SMYD3: variants seen among roughly 807,000 people sequenced by gnomAD.
SMYD3 encodes SET and MYND domain containing 3.
SMYD3 carries 36 observed loss-of-function variants against 57.7 expected under a neutral mutation model. The observed-to-expected ratio is 0.62, with a 90% confidence interval of 0.48 to 0.82. SMYD3 has a LOEUF of 0.82. Ranked by LOEUF, SMYD3 falls within the 40% of genes least tolerant of loss-of-function variation. SMYD3 has a pLI of 0.00. For missense variants in SMYD3, 515 were observed against 538.8 expected (o/e 0.96, Z 0.44); for synonymous variants, 211 against 195.0 (o/e 1.08, Z -0.68).
In SMYD3 at chr1:245,787,992, G is replaced by C. The variant is rs536457762; in HGVS notation, c.1077-23843C>G. Reference sequence around the variant, plus strand: ...ACTTAGTCCTGGGAAGCAAATGCAAGATGCATGGATGGGACCTGACCAGAT... The same window carrying C: ...ACTTAGTCCTGGGAAGCAAATGCAACATGCATGGATGGGACCTGACCAGAT... On this transcript the variant is annotated intron_variant, in intron 10 of 11. Coordinates refer to ENST00000490107, the MANE Select transcript of SMYD3 (RefSeq NM_001167740.2). 8.5e-5 allele frequency among the ~76,000 whole-genome samples: 13 copies of C among 152,350 alleles called. No individual in the cohort carries two copies. In the East Asian group the frequency reaches 2.5e-3, roughly 29 times the overall value.
chr1:246,326,998 A>G, intron 5 of SMYD3: 1 of 591,250 alleles, frequency 1.7e-6, no homozygotes. Flanking sequence ...TAACAAGAAT[A>G]TTAATCAAAC....
At chr1:245,806,115 A>T (rs1351204766) in intron 10 of SMYD3, among the ~76,000 whole-genome samples, 1 of 152,182 alleles carries the variant, frequency 6.6e-6, no homozygotes. Flanking sequence ...GGGTCTTTCC[A>T]GTTGTTCAAC....
At position 246,470,896 on chromosome 1, in the gene SMYD3, A is replaced by G. The variant is rs201095563; in HGVS notation, c.164+36158T>C. Among the ~76,000 whole-genome samples, 72 of 152,300 alleles carry G rather than the reference A, an allele frequency of 4.7e-4. No homozygotes were observed. The East Asian group carries it at 0.013, about 27-fold the overall frequency. Reference sequence around the variant, plus strand: ...TATATAAGAGAATATCCTTGTTCTTAGGAAATGTACACTAAAGTGGTAAGG... The same window carrying G: ...TATATAAGAGAATATCCTTGTTCTTGGGAAATGTACACTAAAGTGGTAAGG... On this transcript the variant is annotated intron_variant, in intron 1 of 11. Coordinates refer to ENST00000490107, the MANE Select transcript of SMYD3 (RefSeq NM_001167740.2).
intron 5 of SMYD3, among the ~76,000 whole-genome samples, chr1:246,056,938 G>A (rs535074849): frequency 6.6e-6 from 1 of 152,084 alleles, no homozygotes; most frequent in Non-Finnish European, 1.5e-5. Context: ...CCCAGGTCCC[G>A]TCCTACTGCT....
intron 1 of SMYD3, among the ~76,000 whole-genome samples, chr1:246,438,077 A>G (rs2067407299): frequency 6.6e-6 from 1 of 152,116 alleles, no homozygotes; most frequent in South Asian, 2.1e-4. Context: ...GGGGGGAAAA[A>G]CCCTGTAATT....
At chr1:246,193,381 G>A (rs1185804883) in intron 5 of SMYD3, among the ~76,000 whole-genome samples, 1 of 150,606 alleles carries the variant, frequency 6.6e-6, no homozygotes, top group Non-Finnish European at 1.5e-5. Flanking sequence ...CCAACTATCT[G>A]GAGATTTAAA....
chr1:245,971,502 G>C (rs1237392199), intron 5 of SMYD3, among the ~76,000 whole-genome samples: 1 of 152,032 alleles, frequency 6.6e-6, no homozygotes, highest in Non-Finnish European at 1.5e-5. Context: ...ACTGGCTATT[G>C]CACAATTTCA....
intron 1 of SMYD3, among the ~76,000 whole-genome samples, chr1:246,462,236 C>T (rs1270421699): frequency 6.8e-5 from 4 of 58,746 alleles, no homozygotes; most frequent in Admixed American, 4.9e-4. Context: ...CATCCTCCCG[C>T]GGGGCCTGCT....
chr1:246,136,269 T>C lies in SMYD3; in HGVS notation c.531+190932A>G, dbSNP rs189776410. 1.1e-3 allele frequency among the ~76,000 whole-genome samples: 174 copies of C among 152,290 alleles called. 1 individual carries two copies. The Middle Eastern group carries it at 0.017, about 15-fold the overall frequency. On this transcript the variant is annotated intron_variant, in intron 5 of 11. Coordinates refer to ENST00000490107, the MANE Select transcript of SMYD3 (RefSeq NM_001167740.2). ...CCTACAATAACATAAAAATTAGCTA[T>C]CCAGGTAAAGAGTGGCTCTCCATTT...
At chr1:246,045,556 C>T (rs2059948939) in intron 5 of SMYD3, among the ~76,000 whole-genome samples, 1 of 152,000 alleles carries the variant, frequency 6.6e-6, no homozygotes, top group African/African-American at 2.4e-5. Context: ...CAATACCATT[C>T]AGGACATAGG....
At chr1:246,084,104 A>G (rs1250277887) in intron 5 of SMYD3, among the ~76,000 whole-genome samples, 1 of 152,148 alleles carries the variant, frequency 6.6e-6, no homozygotes, top group Non-Finnish European at 1.5e-5. Context: ...ATTTTTGTCC[A>G]AAAGGATGTA....
chr1:246,464,770 C>T (rs922515511), intron 1 of SMYD3, among the ~76,000 whole-genome samples: 20 of 152,292 alleles, frequency 1.3e-4, no homozygotes, highest in Middle Eastern at 3.4e-3. Flanking sequence ...AATTGTTAGC[C>T]ACTAAAGTAC....
chr1:245,754,163 GT>G (rs200938119), intron 11 of SMYD3, among the ~76,000 whole-genome samples: 2,085 of 152,102 alleles, frequency 0.014, 49 homozygotes, highest in African/African-American at 0.048. Context: ...AATCTCATCT[GT>G]TTTTTTAAGT....
intron 5 of SMYD3, among the ~76,000 whole-genome samples, chr1:246,277,856 G>A (rs1004725491): frequency 2.6e-5 from 4 of 152,178 alleles, no homozygotes; most frequent in Admixed American, 1.3e-4. Context: ...AGTGGTTGCT[G>A]CAGCCAGACG....
intron 5 of SMYD3, among the ~76,000 whole-genome samples, chr1:246,143,474 C>T (rs1326463564): frequency 2.0e-5 from 3 of 152,066 alleles, no homozygotes; most frequent in Admixed American, 6.5e-5. Context: ...CAAGACCAAC[C>T]GGGGCAATGT....
intron 5 of SMYD3, among the ~76,000 whole-genome samples, chr1:246,006,030 G>GCAAGAGGAA (rs2059161860): frequency 6.6e-6 from 1 of 151,560 alleles, no homozygotes; most frequent in Non-Finnish European, 1.5e-5. Flanking sequence ...ATATTGAAAG[G>GCAAGAGGAA]GGAGAAAAGG....
chr1:246,097,630 C>T (rs988797692), intron 5 of SMYD3, among the ~76,000 whole-genome samples: 4 of 152,094 alleles, frequency 2.6e-5, no homozygotes, highest in Admixed American at 1.3e-4. Flanking sequence ...CACAATCCCA[C>T]CCCAGTTTCC....
intron 5 of SMYD3, among the ~76,000 whole-genome samples, chr1:246,028,078 C>CA (rs1205157147): frequency 6.6e-6 from 1 of 152,090 alleles, no homozygotes; most frequent in Non-Finnish European, 1.5e-5. Flanking sequence ...CACAGAAATA[C>CA]AAAGGATCAT....
chr1:246,476,199 C>T (rs577269392), intron 1 of SMYD3, among the ~76,000 whole-genome samples: 19 of 152,236 alleles, frequency 1.2e-4, no homozygotes, highest in South Asian at 4.1e-4. Flanking sequence ...GTACTTCCTA[C>T]GAACTCCTCT....
Sources: gnomAD v4.1 joint callset for allele counts (sites outside exome capture counted in the v4.1 genomes callset) on GRCh38, gnomAD v4.1.1 for gene constraint, MANE v1.5 for transcripts, NCBI Gene and HGNC (gene_info 2026-07-23, HGNC 2026-07-21) for gene names.